The following SEMA3A variants were observed in gnomAD, a reference collection of about 807,000 sequenced individuals.
The protein encoded by SEMA3A is semaphorin-3A.
SEMA3A carries 29 observed loss-of-function variants against 97.9 expected under a neutral mutation model. That is an observed-to-expected ratio of 0.30 (90% CI 0.22 to 0.40). The LOEUF (loss-of-function observed/expected upper bound fraction) is 0.40. SEMA3A is among the 10% of genes least tolerant of loss of function. SEMA3A has a pLI of 1.00. For missense variants in SEMA3A, 763 were observed against 951.3 expected, an observed-to-expected ratio of 0.80 and a Z score of 2.60; for synonymous variants, 321 against 323.7, an observed-to-expected ratio of 0.99 and a Z score of 0.09.
rs544646518 is a variant in SEMA3A at position 84,339,728 on chromosome 7, T to C, written c.-169+32096A>G. On this transcript the variant is annotated intron_variant, in intron 2 of 3. Coordinates refer to the SEMA3A transcript ENST00000424555. ...ATTCTGAGATTCTGCTTAAATTTCG[T>C]TTTTTCCTTGATAAGTACAGTAAGA... is the stretch of plus-strand genomic sequence containing the variant. 1.6e-4 allele frequency among the ~76,000 whole-genome samples: 24 copies of C among 152,242 alleles called. No homozygotes were observed. The East Asian group carries it at 2.9e-3, about 18-fold the overall frequency.
chr7:84,427,004 G>A (rs1804844508), intron 1 of SEMA3A, among the ~76,000 whole-genome samples: 1 of 152,048 alleles, frequency 6.6e-6, no homozygotes, highest in Non-Finnish European at 1.5e-5. Flanking sequence ...CCTGATGTTG[G>A]GACATGCATA....
chr7:84,238,769 C>T (rs948427639), intron 3 of SEMA3A, among the ~76,000 whole-genome samples: 2 of 151,358 alleles, frequency 1.3e-5, no homozygotes, highest in South Asian at 2.1e-4. Context: ...GGCTGGAGTA[C>T]GGTGGCATGA....
At position 84,201,055 on chromosome 7, in the gene SEMA3A, CG is replaced by C. The variant is rs796182701; in HGVS notation, c.-82-6388del. Among the ~76,000 whole-genome samples the C allele has an allele frequency of 3.2e-4, 48 of 151,884 alleles. 1 individual carries two copies. The highest frequency in any genetic ancestry group is 1.1e-3 in the African/African-American group (47 of 41,462). The stretch of plus-strand genomic sequence containing the variant: ...TCACTGAATAAATAAATAAATAAGT[CG>C]GTCTACACTAAATAAACAAAGTGAA... On this transcript the variant is annotated intron_variant, in intron 3 of 3. Coordinates refer to the SEMA3A transcript ENST00000424555.
intron 1 of SEMA3A, among the ~76,000 whole-genome samples, chr7:84,441,370 A>C (rs1298040817): frequency 6.6e-6 from 1 of 151,834 alleles, no homozygotes; most frequent in East Asian, 1.9e-4. Flanking sequence ...AAAACCAAAA[A>C]GAAATTCTGG....
intron 2 of SEMA3A, among the ~76,000 whole-genome samples, chr7:84,334,075 G>A (rs1420135020): frequency 2.0e-5 from 3 of 151,960 alleles, no homozygotes. Context: ...TTTCTTAAAA[G>A]TTAATCATCT....
intron 3 of SEMA3A, among the ~76,000 whole-genome samples, chr7:84,225,075 A>T (rs1050916974): frequency 3.3e-5 from 5 of 152,092 alleles, no homozygotes; most frequent in Non-Finnish European, 7.4e-5. Flanking sequence ...AAATACTTTA[A>T]AATAGTATTT....
intron 3 of SEMA3A, among the ~76,000 whole-genome samples, chr7:84,125,724 G>C (rs977311741): frequency 6.6e-6 from 1 of 152,116 alleles, no homozygotes; most frequent in Admixed American, 6.6e-5. Context: ...AGATAGAGAG[G>C]GAGAGAGAGG....
chr7:84,132,921 C>CGCCTT (rs1796009883), intron 2 of SEMA3A, among the ~76,000 whole-genome samples: 1 of 151,924 alleles, frequency 6.6e-6, no homozygotes. Context: ...GTGATCCACC[C>CGCCTT]GCCTTGGCCT....
At position 84,362,768 on chromosome 7, in the gene SEMA3A, G is replaced by T. The variant is rs79396724; in HGVS notation, c.-169+9056C>A. 1.4e-3 allele frequency among the ~76,000 whole-genome samples: 214 copies of T among 152,030 alleles called. 2 individuals carry two copies. Among genetic ancestry groups the T allele is most frequent in the African/African-American group, 5.1e-3 (210 of 41,526 alleles). ...TCTAATGTTAAGGATGTATGTAAGA[G>T]TATGGGAAGGCAGAATAAAGATAAA... On this transcript the variant is annotated intron_variant, in intron 2 of 3. Transcript: ENST00000424555.
intron 1 of SEMA3A, among the ~76,000 whole-genome samples, chr7:84,470,153 T>C (rs1208155460): frequency 3.3e-5 from 5 of 152,010 alleles, no homozygotes; most frequent in Admixed American, 2.6e-4. Context: ...GAAAACTTGT[T>C]AGGAGATTTC....
rs972526091 is a variant in SEMA3A, at chr7:83,972,148, TTTA to T, written c.1717+4981_1717+4983del. 1.3e-4 allele frequency among the ~76,000 whole-genome samples: 20 copies of T among 152,132 alleles called. 1 individual carries two copies. The highest frequency in any genetic ancestry group is 4.6e-4 in the African/African-American group (19 of 41,550). ...AGTCATAGGGCCAATATATTTTAAT[TTTA>T]TTATTCATAAATATTTTTTGCAGTA... On this transcript the variant is annotated intron_variant, in intron 15 of 16. Transcript: ENST00000265362.
rs1049719810 is a variant in SEMA3A, at chr7:84,083,610, G to C, written c.454-23052C>G. Among the ~76,000 whole-genome samples the C allele has an allele frequency of 1.4e-4, 21 of 151,696 alleles. No homozygotes were observed. The East Asian group carries it at 3.9e-3, about 28-fold the overall frequency. On this transcript the variant is annotated intron_variant, in intron 4 of 16. Coordinates refer to ENST00000265362, the MANE Select transcript of SEMA3A (RefSeq NM_006080.3). Reference sequence around the variant, plus strand: ...CATTCCCTCTTCATATCTACCTCCCGACTATTCTTCCTAGCCTCTGGTAAC... The same window carrying C: ...CATTCCCTCTTCATATCTACCTCCCCACTATTCTTCCTAGCCTCTGGTAAC...
At chr7:84,390,323 G>T (rs1803507302) in intron 1 of SEMA3A, among the ~76,000 whole-genome samples, 1 of 126,698 alleles carries the variant, frequency 7.9e-6, no homozygotes, top group African/African-American at 3.2e-5. Flanking sequence ...GAAAAAGCTT[G>T]TGATATTCAA....
chr7:84,093,928 A>AG (rs1794668705), intron 4 of SEMA3A, among the ~76,000 whole-genome samples: 1 of 151,840 alleles, frequency 6.6e-6, no homozygotes, highest in Admixed American at 6.6e-5. Context: ...AGAACTTAAA[A>AG]AAAAAAAAAA....
intron 1 of SEMA3A, among the ~76,000 whole-genome samples, chr7:84,150,378 T>TGC (rs917835683): frequency 1.3e-5 from 2 of 152,148 alleles, no homozygotes; most frequent in Non-Finnish European, 2.9e-5. Flanking sequence ...GGTCAGTGGG[T>TGC]GCGCACACTG....
chr7:84,136,269 GA>G (rs1240835635), intron 1 of SEMA3A, among the ~76,000 whole-genome samples: 1 of 152,110 alleles, frequency 6.6e-6, no homozygotes, highest in Non-Finnish European at 1.5e-5. Flanking sequence ...TTAACATCAG[GA>G]AACATATATT....
chr7:84,185,841 T>C (rs947770141), intron 1 of SEMA3A, among the ~76,000 whole-genome samples: 1 of 152,168 alleles, frequency 6.6e-6, no homozygotes, highest in Admixed American at 6.5e-5. Context: ...AACGTCCTTT[T>C]CTTTTTTCCT....
At chr7:84,249,087 T>C (rs2115600532) in intron 3 of SEMA3A, among the ~76,000 whole-genome samples, 1 of 152,318 alleles carries the variant, frequency 6.6e-6, no homozygotes, top group Non-Finnish European at 1.5e-5. Context: ...ATAAAGTGCT[T>C]CTCTGAACTC....
chr7:84,046,246 T>C (rs931229998), intron 6 of SEMA3A, 78 bp downstream of exon 6: 62 of 1,508,108 alleles, frequency 4.1e-5, no homozygotes, highest in Non-Finnish European at 5.4e-5. Context: ...TCATATTGCA[T>C]GTACTGTAAA....
Sources: gnomAD v4.1 joint callset for allele counts (sites outside exome capture counted in the v4.1 genomes callset) on GRCh38, gnomAD v4.1.1 for gene constraint, MANE v1.5 for transcripts, NCBI Gene and HGNC (gene_info 2026-07-23, HGNC 2026-07-21) for gene names.